CDC73: variants seen among roughly 807,000 people sequenced by gnomAD.
The protein encoded by CDC73 is cell division cycle 73, also known as parafibromin.
A neutral mutation model predicts 83.7 loss-of-function variants in CDC73; 21 were observed. The ratio of observed to expected loss-of-function variants is 0.25; its 90% CI spans 0.18 to 0.36. CDC73 has a LOEUF of 0.36. Ranked by LOEUF, CDC73 falls within the 10% of genes least tolerant of loss-of-function variation. The pLI, the probability that CDC73 is intolerant of heterozygous loss-of-function variation, is 1.00. For missense variants in CDC73, 342 were observed against 653.3 expected (o/e 0.52, Z 5.19); for synonymous variants, 224 against 212.9 (o/e 1.05, Z -0.45).
chr1:193,253,802 A>C lies in CDC73; in HGVS notation c.*3090A>C, dbSNP rs185781840. 4.4e-3 allele frequency: 1,018 copies of C among 230,088 alleles called. 10 individuals are homozygous for C. Among genetic ancestry groups the C allele is most frequent in the African/African-American group, 0.021 (958 of 45,338 alleles). The allele number at this position is 230,088 out of a possible 1,614,324, so 14.3% of individuals were successfully genotyped here. A position where few individuals can be genotyped will look rare whatever the true frequency, so the allele number is the denominator to read the frequency against. On this transcript the variant is annotated 3_prime_UTR_variant, in exon 17 of 17. Coordinates refer to ENST00000367435, the MANE Select transcript of CDC73 (RefSeq NM_024529.5). ...ATACTTTTAAATTGGTCTACACAGA[A>C]AAGTAAAAGTAAACTATTCATTTAA...
Position 193,192,447 on chromosome 1 carries a change from A to G in CDC73, c.973-11348A>G, listed in dbSNP as rs539152034. Among the ~76,000 whole-genome samples the G allele has an allele frequency of 1.3e-5, 2 of 152,282 alleles. 1 individual carries two copies. The highest frequency in any genetic ancestry group is 4.8e-5 in the African/African-American group (2 of 41,548). Reference sequence around the variant, plus strand: ...GACAGAGTGAGACACTGTCTCATAAAAGACAAAACAAGAAAGCAAGTGTTG... The same window carrying G: ...GACAGAGTGAGACACTGTCTCATAAGAGACAAAACAAGAAAGCAAGTGTTG... On this transcript the variant is annotated intron_variant, in intron 10 of 16. Coordinates refer to ENST00000367435, the MANE Select transcript of CDC73 (RefSeq NM_024529.5).
intron 10 of CDC73, among the ~76,000 whole-genome samples, chr1:193,156,482 T>C (rs1342721674): frequency 6.6e-6 from 1 of 152,192 alleles, no homozygotes; most frequent in East Asian, 1.9e-4. Context: ...ACGATTTTTT[T>C]TGACAGTAAG....
intron 11 of CDC73, among the ~76,000 whole-genome samples, chr1:193,204,550 A>G (rs551833009): frequency 2.6e-5 from 4 of 152,020 alleles, no homozygotes; most frequent in African/African-American, 9.6e-5. Flanking sequence ...CGGCCTCCCA[A>G]AGTGCTGGGA....
intron 7 of CDC73, 26 bp downstream of exon 7, chr1:193,142,092 T>G: frequency 6.4e-7 from 1 of 1,550,456 alleles, no homozygotes; most frequent in Non-Finnish European, 8.9e-7. Context: ...TACTCATTCA[T>G]TGGAGTGAGA....
chr1:193,202,726 T>A (rs1302045091), intron 10 of CDC73, among the ~76,000 whole-genome samples: 1 of 150,584 alleles, frequency 6.6e-6, no homozygotes, highest in Non-Finnish European at 1.5e-5. Context: ...ATGCTAGGAA[T>A]ACCACTGTAT....
intron 10 of CDC73, among the ~76,000 whole-genome samples, chr1:193,182,303 C>T (rs1676730381): frequency 6.6e-6 from 1 of 152,054 alleles, no homozygotes; most frequent in Non-Finnish European, 1.5e-5. Flanking sequence ...GATTTTTAGA[C>T]AGTAATAAAT....
rs934662843 is a variant in CDC73, at chr1:193,252,410, G to C, written c.*1698G>C. 1.3e-5 allele frequency: 3 copies of C among 229,782 alleles called. No homozygotes were observed. Among genetic ancestry groups the C allele is most frequent in the African/African-American group, 6.6e-5 (3 of 45,188 alleles). The allele number at this position is 229,782 out of a possible 1,614,324, so 14.2% of individuals were successfully genotyped here. A position where few individuals can be genotyped will look rare whatever the true frequency, so the allele number is the denominator to read the frequency against. ...GTAATATTTTTATGTAAGATTACTT[G>C]TCAAGACTACTACAAGTCAGTATGA... On this transcript the variant is annotated 3_prime_UTR_variant, in exon 17 of 17. Transcript: ENST00000367435.
chr1:193,130,671 G>C (rs751078075), intron 3 of CDC73, among the ~76,000 whole-genome samples: 1 of 152,150 alleles, frequency 6.6e-6, no homozygotes, highest in Non-Finnish European at 1.5e-5. Context: ...TGGTATCATT[G>C]CTTCTTTTTT....
At chr1:193,243,183 G>A (rs903916019) in intron 15 of CDC73, among the ~76,000 whole-genome samples, 2 of 152,018 alleles carry the variant, frequency 1.3e-5, no homozygotes, top group African/African-American at 2.4e-5. Flanking sequence ...CTCAGGATCC[G>A]CTCTCCTTGG....
chr1:193,130,113 A>G (rs1240221446), intron 2 of CDC73, 61 bp from the exon 3 acceptor site: 13 of 802,584 alleles, frequency 1.6e-5, no homozygotes, highest in Non-Finnish European at 2.5e-5. Context: ...ACATGTTAAT[A>G]TTTATTAAGT....
At chr1:193,146,278 G>A (rs1403167284) in intron 7 of CDC73, among the ~76,000 whole-genome samples, 1 of 152,296 alleles carries the variant, frequency 6.6e-6, no homozygotes, top group East Asian at 1.9e-4. Context: ...CAAAGGAACT[G>A]TCAGACATTA....
intron 10 of CDC73, among the ~76,000 whole-genome samples, chr1:193,170,083 T>G (rs969862999): frequency 2.6e-5 from 4 of 152,144 alleles, no homozygotes; most frequent in African/African-American, 7.2e-5. Flanking sequence ...TTGCTAAGGA[T>G]AATGGTCTCT....
chr1:193,232,452 A>G (rs1031519568), intron 13 of CDC73, among the ~76,000 whole-genome samples: 4 of 151,938 alleles, frequency 2.6e-5, no homozygotes, highest in Admixed American at 1.3e-4. Flanking sequence ...GGTGTTACAC[A>G]CACATACACA....
intron 10 of CDC73, among the ~76,000 whole-genome samples, chr1:193,192,465 A>G (rs1676935385): frequency 6.6e-6 from 1 of 152,118 alleles, no homozygotes; most frequent in African/African-American, 2.4e-5. Context: ...ACAAGAAAGC[A>G]AGTGTTGGAA....
chr1:193,180,257 A>G, intron 10 of CDC73: 1 of 1,507,250 alleles, frequency 6.6e-7, no homozygotes, highest in Non-Finnish European at 8.9e-7. Context: ...TTTTAGCAAT[A>G]TTTACAAATT....
intron 10 of CDC73, among the ~76,000 whole-genome samples, chr1:193,183,001 T>C (rs1462630234): frequency 6.6e-6 from 1 of 152,020 alleles, no homozygotes; most frequent in Non-Finnish European, 1.5e-5. Context: ...TAAATACATG[T>C]ATGTATTTAG....
rs1676719624 is a variant in CDC73, at chr1:193,181,678, T to C, written c.973-22117T>C. ...TTCAGTCACATTGTCTCTCTTGTAG[T>C]CATTCTATAAAAATGAAGCACAAAA... On this transcript the variant is annotated intron_variant, in intron 10 of 16. Coordinates refer to ENST00000367435, the MANE Select transcript of CDC73 (RefSeq NM_024529.5). 8 of 1,014,686 alleles carry C rather than the reference T, an allele frequency of 7.9e-6. No individual in the cohort carries two copies. In the South Asian group the frequency reaches 1.2e-4, roughly 15 times the overall value. The allele number at this position is 1,014,686 out of a possible 1,614,324, so 62.9% of individuals were successfully genotyped here. A position where few individuals can be genotyped will look rare whatever the true frequency, so the allele number is the denominator to read the frequency against.
At chr1:193,124,796 A>T (rs536539756) in intron 1 of CDC73, among the ~76,000 whole-genome samples, 29 of 152,304 alleles carry the variant, frequency 1.9e-4, no homozygotes, top group African/African-American at 7.0e-4. Flanking sequence ...TCTCTTATGG[A>T]TCCTCTTCGA....
intron 10 of CDC73, chr1:193,180,239 A>G (rs1164165959): frequency 2.7e-6 from 4 of 1,465,068 alleles, no homozygotes; most frequent in East Asian, 4.6e-5. Flanking sequence ...AGTTCTAACT[A>G]TACATGCTTT....
Sources: allele counts gnomAD v4.1 joint callset (sites outside exome capture counted in the v4.1 genomes callset), GRCh38; gene constraint gnomAD v4.1.1; transcripts MANE v1.5; gene names NCBI Gene and HGNC (gene_info 2026-07-23, HGNC 2026-07-21).